CHMP1A: variants seen among roughly 807,000 people sequenced by gnomAD.
CHMP1A encodes charged multivesicular body protein 1A, also known as VPS46 homolog A.
Under a neutral mutation model 27.0 loss-of-function variants are expected in CHMP1A, and 17 were observed. That is an observed-to-expected ratio of 0.63 (90% CI 0.43 to 0.95). CHMP1A has a LOEUF of 0.95. Ranked by LOEUF, CHMP1A falls within the 40% of genes least tolerant of loss-of-function variation. The pLI is 0.00. For synonymous variants in CHMP1A, 131 were observed against 107.5 expected, an observed-to-expected ratio of 1.22 and a Z score of -1.35; for missense variants, 275 against 264.0, an observed-to-expected ratio of 1.04 and a Z score of -0.29.
At chr16:89,647,364 A>G in intron 4 of CHMP1A, 33 bp from the exon 5 acceptor site, 1 of 1,587,374 alleles carries the variant, frequency 6.3e-7, no homozygotes, top group African/African-American at 1.3e-5. Context: ...AGGGAACAGG[A>G]TGAAAGGCAA....
intron 2 of CHMP1A, among the ~76,000 whole-genome samples, chr16:89,653,085 T>C (rs2059838172): frequency 6.8e-6 from 1 of 147,016 alleles, no homozygotes; most frequent in East Asian, 2.2e-4. Flanking sequence ...TGGCACAATC[T>C]TGGCTTACTG....
At chr16:89,650,134 C>G (rs1345646929) in intron 3 of CHMP1A, among the ~76,000 whole-genome samples, 1 of 152,170 alleles carries the variant, frequency 6.6e-6, no homozygotes, top group Non-Finnish European at 1.5e-5. Flanking sequence ...ACCTACTTCA[C>G]CGATTACGCA....
chr16:89,651,598 A>G lies in CHMP1A; in HGVS notation c.76T>C (p.Ser26Pro). Residue 26 changes from serine to proline, a missense_variant, in exon 3 of 7, where the codon TCC becomes CCC. Coordinates refer to ENST00000397901, the MANE Select transcript of CHMP1A (RefSeq NM_002768.5). Reference sequence around the variant, plus strand: ...TTCACTTTGGCCTGCTCCGCCTTGGAGTCCTTCTCCGCCTTCTTGGCCAGC... The same window carrying G: ...TTCACTTTGGCCTGCTCCGCCTTGGGGTCCTTCTCCGCCTTCTTGGCCAGC... ...EKLAKKAEKDSKAEQAKVKKA... is the reference protein window; with the variant it reads ...EKLAKKAEKDPKAEQAKVKKA... 1 of 1,613,716 alleles carries G rather than the reference A, an allele frequency of 6.2e-7. No individual in the cohort carries two copies. Among genetic ancestry groups the G allele is most frequent in the Non-Finnish European group, 8.5e-7 (1 of 1,179,816 alleles).
rs1168240418 is a variant in CHMP1A, at chr16:89,657,636, C to T, written c.-48G>A. On this transcript the variant is annotated 5_prime_UTR_variant, in exon 1 of 7. Transcript: ENST00000397901. ...CTCGGAGAGGGAGAAGGGACGCCAA[C>T]TCCGGGCGGTGTCAGGTCCCGGCGG... 1 of 1,608,422 alleles carries T rather than the reference C, an allele frequency of 6.2e-7. No homozygotes were observed. The highest frequency in any genetic ancestry group is 2.3e-5 in the East Asian group (1 of 44,434).
At chr16:89,653,067 G>C (rs913339963) in intron 2 of CHMP1A, among the ~76,000 whole-genome samples, 5 of 141,300 alleles carry the variant, frequency 3.5e-5, no homozygotes, top group Admixed American at 1.5e-4. Flanking sequence ...ACCCAGGCTG[G>C]AGTGCAGTGG....
At chr16:89,646,144 A>C in intron 6 of CHMP1A, 57 bp from the exon 7 acceptor site, 1 of 1,464,214 alleles carries the variant, frequency 6.8e-7, no homozygotes, top group Non-Finnish European at 9.2e-7. Flanking sequence ...TCTGACCACC[A>C]CGTGCTCCCA....
intron 3 of CHMP1A, among the ~76,000 whole-genome samples, chr16:89,650,836 C>A (rs2059818441): frequency 6.6e-6 from 1 of 151,334 alleles, no homozygotes; most frequent in African/African-American, 2.4e-5. Context: ...TGGCAGACAG[C>A]TAGCTAGCAG....
In CHMP1A at chr16:89,656,726, G is replaced by C. The variant is rs144481712; in HGVS notation, c.7+856C>G. Among the ~76,000 whole-genome samples the C allele has an allele frequency of 9.7e-3, 1,485 of 152,328 alleles. 12 individuals are homozygous for C. Among genetic ancestry groups the C allele is most frequent in the African/African-American group, 0.022 (926 of 41,570 alleles). On this transcript the variant is annotated intron_variant, in intron 1 of 6. Coordinates refer to ENST00000397901, the MANE Select transcript of CHMP1A (RefSeq NM_002768.5). Reference sequence around the variant, plus strand: ...CTTTCTGTCTGAGTCCTTCTGATTTGCAGTGATGCTGTTTGGGGCAGGGGG... The same window carrying C: ...CTTTCTGTCTGAGTCCTTCTGATTTCCAGTGATGCTGTTTGGGGCAGGGGG...
Position 89,656,711 on chromosome 16 carries a change from G to C in CHMP1A, c.7+871C>G, listed in dbSNP as rs1244268993. ...GGCACTCAGGGAGCGCTTTCTGTCT[G>C]AGTCCTTCTGATTTGCAGTGATGCT... On this transcript the variant is annotated intron_variant, in intron 1 of 6. Coordinates refer to ENST00000397901, the MANE Select transcript of CHMP1A (RefSeq NM_002768.5). Among the ~76,000 whole-genome samples, 4 of 152,350 alleles carry C rather than the reference G, an allele frequency of 2.6e-5. No individual in the cohort carries two copies. The South Asian group carries it at 6.2e-4, about 24-fold the overall frequency.
chr16:89,654,205 G>A (rs1394971315), intron 1 of CHMP1A, among the ~76,000 whole-genome samples: 1 of 152,218 alleles, frequency 6.6e-6, no homozygotes, highest in Non-Finnish European at 1.5e-5. Context: ...AATCTCAAAG[G>A]GTTAGTGTGA....
At position 89,651,566 on chromosome 16, in the gene CHMP1A, C is replaced by T. The variant is rs1468670447; in HGVS notation, c.105+3G>A. The T allele has an allele frequency of 6.2e-7, 1 of 1,613,466 alleles. No homozygotes were observed. The highest frequency in any genetic ancestry group is 1.1e-5 in the South Asian group (1 of 91,078). ...CATGACCCCACAGCCCCCAGGGTCT[C>T]ACCTTCTTCACTTTGGCCTGCTCCG... On this transcript the variant is annotated splice_donor_region_variant and intron_variant, in intron 3 of 6. Coordinates refer to ENST00000397901, the MANE Select transcript of CHMP1A (RefSeq NM_002768.5).
At position 89,645,932 on chromosome 16, in the gene CHMP1A, G is replaced by A; in HGVS notation, c.*134C>T. On this transcript the variant is annotated 3_prime_UTR_variant, in exon 7 of 7. Transcript: ENST00000397901. ...AACAACCCTAAGGCCACGCAGGCCTGGCAGGTGAGAGACGCAGAGTGGCTG... is the reference window on the plus strand; with the variant it reads ...AACAACCCTAAGGCCACGCAGGCCTAGCAGGTGAGAGACGCAGAGTGGCTG... 3 of 1,611,192 alleles carry A rather than the reference G, an allele frequency of 1.9e-6. No individual in the cohort carries two copies. The highest frequency in any genetic ancestry group is 2.5e-6 in the Non-Finnish European group (3 of 1,178,884).
rs1483341168 is a variant in CHMP1A, at chr16:89,646,014, G to C, written c.*52C>G. The C allele has an allele frequency of 6.2e-7, 1 of 1,609,072 alleles. No homozygotes were observed. The highest frequency in any genetic ancestry group is 8.5e-7 in the Non-Finnish European group (1 of 1,178,410). ...GCAAGACGCGGTGGGGAGAGGACAG[G>C]AGCCTTCCAGCACATCACGGGGCAG... On this transcript the variant is annotated 3_prime_UTR_variant, in exon 7 of 7. Coordinates refer to ENST00000397901, the MANE Select transcript of CHMP1A (RefSeq NM_002768.5).
intron 1 of CHMP1A, 27 bp from the exon 2 acceptor site, chr16:89,653,950 T>C (rs1326841525): frequency 1.2e-6 from 2 of 1,609,802 alleles, no homozygotes; most frequent in Admixed American, 1.7e-5. Context: ...AATTAATGGT[T>C]TGAGGATTGG....
Position 89,656,801 on chromosome 16 carries a change from G to C in CHMP1A, c.7+781C>G, listed in dbSNP as rs112965561. Among the ~76,000 whole-genome samples the C allele has an allele frequency of 5.3e-5, 8 of 152,136 alleles. 1 individual carries two copies. Among genetic ancestry groups the C allele is most frequent in the African/African-American group, 1.9e-4 (8 of 41,546 alleles). On this transcript the variant is annotated intron_variant, in intron 1 of 6. Transcript: ENST00000397901. ...CCTCTGACCCGACATTCCAAGTCCC[G>C]AAAGGCCGAACAGGCATCGCACAGT... is the stretch of plus-strand genomic sequence containing the variant.
At chr16:89,656,699 C>A (rs969608809) in intron 1 of CHMP1A, among the ~76,000 whole-genome samples, 4 of 152,210 alleles carry the variant, frequency 2.6e-5, no homozygotes, top group African/African-American at 4.8e-5. Flanking sequence ...ACTCAGGGAG[C>A]GCTTTCTGTC....
intron 3 of CHMP1A, among the ~76,000 whole-genome samples, 188 bp downstream of exon 3, chr16:89,651,373 AAAACAAAC>A (rs141950187): frequency 9.8e-4 from 147 of 149,668 alleles, no homozygotes; most frequent in Admixed American, 1.5e-3. Flanking sequence ...TCCGTCTCAA[AAAACAAAC>A]AAACAAACAA....
At position 89,646,545 on chromosome 16, in the gene CHMP1A, T is replaced by C; in HGVS notation, c.551A>G (p.Glu184Gly). Residue 184 changes from glutamate (E) to glycine (G), a missense_variant, in exon 6 of 7, where the codon GAG becomes GGG. Physicochemically the swap from Glu to Gly is moderately conservative, Grantham distance 98 (BLOSUM62 -2). Transcript: ENST00000397901. ...ACCCTACCTCCGTGACAGCTGGTCC[T>C]CCTGGCTGCGCACAGAGCTCTCGCC... The part of the protein sequence containing the change: ...AVGESSVRSQ[E>G]DQLSRRLAAL... 6.3e-7 allele frequency: 1 copy of C among 1,586,582 alleles called. No homozygotes were observed. The highest frequency in any genetic ancestry group is 8.6e-7 in the Non-Finnish European group (1 of 1,167,456).
chr16:89,646,929 C>T (rs1253693836), intron 5 of CHMP1A: 17 of 872,004 alleles, frequency 1.9e-5, no homozygotes, highest in African/African-American at 3.4e-5. Context: ...TGCCTGCTGC[C>T]GCGGGTGGAC....
Sources: allele counts gnomAD v4.1 joint callset (sites outside exome capture counted in the v4.1 genomes callset), GRCh38; gene constraint gnomAD v4.1.1; transcripts MANE v1.5; gene names NCBI Gene and HGNC (gene_info 2026-07-23, HGNC 2026-07-21).